Variants in TIMD4 observed in about 807,000 individuals in gnomAD.
TIMD4 encodes the protein T cell immunoglobulin and mucin domain containing 4.
A neutral mutation model predicts 41.2 loss-of-function variants in TIMD4; 31 were observed. The ratio of observed to expected loss-of-function variants is 0.75; its 90% CI spans 0.57 to 1.01. The LOEUF (loss-of-function observed/expected upper bound fraction) is 1.01. TIMD4 is among the 50% of genes least tolerant of loss of function. The pLI is 0.00. For missense variants in TIMD4, 479 were observed against 472.5 expected, an observed-to-expected ratio of 1.01 and a Z score of -0.13; for synonymous variants, 204 against 177.1, an observed-to-expected ratio of 1.15 and a Z score of -1.21.
chr5:156,949,628 A>G lies in TIMD4; in HGVS notation c.760+23T>C, dbSNP rs376912308. The G allele has an allele frequency of 3.7e-5, 59 of 1,581,902 alleles. 1 individual carries two copies. Among genetic ancestry groups the G allele is most frequent in the East Asian group, 3.1e-4 (14 of 44,698 alleles). Reference sequence around the variant, plus strand: ...CTCAGTACAAAGGGTGAGGGAGGACAGAGAGAGTGAGTGTCTGCACACCTT... The same window carrying G: ...CTCAGTACAAAGGGTGAGGGAGGACGGAGAGAGTGAGTGTCTGCACACCTT... On this transcript the variant is annotated intron_variant, in intron 4 of 8. Transcript: ENST00000274532.
In TIMD4 at chr5:156,963,055, C is replaced by T. The variant is rs958434522; in HGVS notation, c.58+86G>A. 32 of 1,379,714 alleles carry T rather than the reference C, an allele frequency of 2.3e-5. No individual in the cohort carries two copies. The Admixed American group carries it at 5.4e-4, about 23-fold the overall frequency. The allele number at this position is 1,379,714 out of a possible 1,614,324, so 85.5% of individuals were successfully genotyped here. A position where few individuals can be genotyped will look rare whatever the true frequency, so the allele number is the denominator to read the frequency against. On this transcript the variant is annotated intron_variant, in intron 1 of 8. Coordinates refer to ENST00000274532, the MANE Select transcript of TIMD4 (RefSeq NM_138379.3). ...AGAAATGAAGTGAGCTTCTGCTTCA[C>T]TGAGGCCCAAACCAGTGCATGGAAA...
chr5:156,952,070 A>G (rs1309528837), intron 2 of TIMD4, among the ~76,000 whole-genome samples: 1 of 152,064 alleles, frequency 6.6e-6, no homozygotes, highest in Non-Finnish European at 1.5e-5. Context: ...CGGGTGGATC[A>G]TTTGAGGTCA....
Position 156,922,169 on chromosome 5 carries a change from T to C in TIMD4, c.942A>G (p.Gln314=), listed in dbSNP as rs780857468. ...AGGAGGGGGCGATGATCATCAGTAG[T>C]TGGGAGATGGGCATTTCATTCTTCA... ...MSMKNEMPIS[Q]LLMIIAPSLG... Residue 314 remains glutamine, a synonymous_variant, in exon 7 of 9, where the codon CAA becomes CAG. Coordinates refer to ENST00000274532, the MANE Select transcript of TIMD4 (RefSeq NM_138379.3). 12 of 1,613,902 alleles carry C rather than the reference T, an allele frequency of 7.4e-6. No individual in the cohort carries two copies. Among genetic ancestry groups the C allele is most frequent in the East Asian group, 2.2e-5 (1 of 44,892 alleles).
chr5:156,925,111 C>G (rs1300620985), intron 6 of TIMD4, among the ~76,000 whole-genome samples: 1 of 152,152 alleles, frequency 6.6e-6, no homozygotes, highest in Non-Finnish European at 1.5e-5. Flanking sequence ...GAACTGAAGA[C>G]CAGCCTGGCC....
In TIMD4 at chr5:156,954,809, A is replaced by G. The variant is rs1000851256; in HGVS notation, c.59-53T>C. 2.1e-6 allele frequency: 3 copies of G among 1,435,276 alleles called. No individual in the cohort carries two copies. The African/African-American group carries it at 4.3e-5, about 20-fold the overall frequency. The allele number at this position is 1,435,276 out of a possible 1,614,324, so 88.9% of individuals were successfully genotyped here. A position where few individuals can be genotyped will look rare whatever the true frequency, so the allele number is the denominator to read the frequency against. On this transcript the variant is annotated intron_variant, in intron 1 of 8. Coordinates refer to ENST00000274532, the MANE Select transcript of TIMD4 (RefSeq NM_138379.3). ...CATGCAGTACTGAAATCTCTCAAAC[A>G]TGCTACACAGTTTTTGTGCTAATAG...
At chr5:156,921,135 AG>A (rs1166481068) in intron 7 of TIMD4, among the ~76,000 whole-genome samples, 77 of 36,264 alleles carry the variant, frequency 2.1e-3, no homozygotes, top group African/African-American at 7.5e-3. Flanking sequence ...GGCGGGGGGC[AG>A]GGGTGGGATG....
chr5:156,960,167 C>T (rs1481996435), intron 1 of TIMD4, among the ~76,000 whole-genome samples: 1 of 152,036 alleles, frequency 6.6e-6, no homozygotes. Context: ...TTAGAAAATT[C>T]CCCTCAACCA....
At chr5:156,921,615 T>C (rs1759240920) in intron 7 of TIMD4, among the ~76,000 whole-genome samples, 1 of 31,786 alleles carries the variant, frequency 3.1e-5, no homozygotes, top group Non-Finnish European at 5.6e-5. Context: ...TGAGACTCTC[T>C]CAAAAAAAAA....
At chr5:156,927,148 T>A (rs1759362906) in intron 5 of TIMD4, among the ~76,000 whole-genome samples, 1 of 152,248 alleles carries the variant, frequency 6.6e-6, no homozygotes, top group Non-Finnish European at 1.5e-5. Flanking sequence ...AGCTCAACTT[T>A]GTAGTTCATT....
chr5:156,952,940 G>C (rs1423070449), intron 2 of TIMD4, among the ~76,000 whole-genome samples: 1 of 152,176 alleles, frequency 6.6e-6, no homozygotes, highest in African/African-American at 2.4e-5. Flanking sequence ...GTCTCTTTCA[G>C]ACAGTAAAGA....
At chr5:156,947,502 C>T (rs1759766670) in intron 5 of TIMD4, among the ~76,000 whole-genome samples, 1 of 152,220 alleles carries the variant, frequency 6.6e-6, no homozygotes, top group Admixed American at 6.5e-5. Context: ...ATGTTCACTG[C>T]AGCACTGTTT....
chr5:156,951,797 CCAA>C lies in TIMD4; in HGVS notation c.401-10_401-8del, dbSNP rs1759865776. On this transcript the variant is annotated splice_polypyrimidine_tract_variant and splice_region_variant and intron_variant, in intron 2 of 8. Transcript: ENST00000274532. The stretch of plus-strand genomic sequence containing the variant: ...CTGTGCGTGGTTGTTGAGGCTGTAA[CCAA>C]CAACAGACATGTTTGGCACCAAGCG... 6.2e-7 allele frequency: 1 copy of C among 1,613,626 alleles called. No homozygotes were observed. Among genetic ancestry groups the C allele is most frequent in the South Asian group, 1.1e-5 (1 of 91,050 alleles).
intron 5 of TIMD4, among the ~76,000 whole-genome samples, chr5:156,943,557 G>C (rs1427977926): frequency 6.6e-6 from 1 of 152,184 alleles, no homozygotes; most frequent in Non-Finnish European, 1.5e-5. Context: ...ATAGGGATTT[G>C]GGATGTTATA....
Position 156,950,421 on chromosome 5 carries a change from G to T in TIMD4, c.680-690C>A, listed in dbSNP as rs1225841765. ...CAAAGGAATAAAAAAATACATACAA[G>T]AATTGATTGGTTTAGGGTTCATGGA... On this transcript the variant is annotated intron_variant, in intron 3 of 8. Transcript: ENST00000274532. Among the ~76,000 whole-genome samples the T allele has an allele frequency of 2.0e-5, 3 of 152,284 alleles. No homozygotes were observed. In the South Asian group the frequency reaches 6.2e-4, roughly 32 times the overall value.
chr5:156,957,617 C>T (rs1442566688), intron 1 of TIMD4, among the ~76,000 whole-genome samples: 1 of 152,046 alleles, frequency 6.6e-6, no homozygotes, highest in East Asian at 1.9e-4. Context: ...TGTCATCACC[C>T]TCAGCTATGT....
intron 6 of TIMD4, 38 bp downstream of exon 6, chr5:156,926,225 T>C: frequency 6.2e-7 from 1 of 1,608,998 alleles, no homozygotes; most frequent in Non-Finnish European, 8.5e-7. Flanking sequence ...TTTTTACTAT[T>C]TAAGTGATAT....
chr5:156,932,397 C>CCA (rs1445892748), intron 5 of TIMD4, among the ~76,000 whole-genome samples: 17 of 152,206 alleles, frequency 1.1e-4, no homozygotes. Context: ...ACCCAGTAAC[C>CCA]CACAGCCAAA....
In TIMD4 at chr5:156,951,795, A is replaced by G; in HGVS notation, c.401-5T>C. 6.2e-7 allele frequency: 1 copy of G among 1,613,802 alleles called. No individual in the cohort carries two copies. Among genetic ancestry groups the G allele is most frequent in the Non-Finnish European group, 8.5e-7 (1 of 1,179,798 alleles). ...TTCTGTGCGTGGTTGTTGAGGCTGT[A>G]ACCAACAACAGACATGTTTGGCACC... On this transcript the variant is annotated splice_region_variant and splice_polypyrimidine_tract_variant and intron_variant, in intron 2 of 8. Transcript: ENST00000274532.
chr5:156,935,255 G>A (rs1283339980), intron 5 of TIMD4, among the ~76,000 whole-genome samples: 3 of 151,830 alleles, frequency 2.0e-5, no homozygotes, highest in African/African-American at 7.3e-5. Context: ...AGATTTTACA[G>A]TAAATAACAA....
Sources: gnomAD v4.1 joint callset for allele counts (sites outside exome capture counted in the v4.1 genomes callset) on GRCh38, gnomAD v4.1.1 for gene constraint, MANE v1.5 for transcripts, NCBI Gene and HGNC (gene_info 2026-07-23, HGNC 2026-07-21) for gene names.